SLC4A10: variants seen among roughly 807,000 people sequenced by gnomAD.
SLC4A10 encodes the protein sodium-driven chloride bicarbonate exchanger.
A neutral mutation model predicts 137.7 loss-of-function variants in SLC4A10; 42 were observed. The ratio of observed to expected loss-of-function variants is 0.30; its 90% CI spans 0.24 to 0.39. The LOEUF is 0.39. Among genes scored for constraint, SLC4A10 ranks in the 10% least tolerant of loss-of-function variants. The probability of loss-of-function intolerance (pLI) is 1.00; values close to 1 mark genes in which losing one functional copy is unlikely to be tolerated. For missense variants in SLC4A10, 925 were observed against 1,355.0 expected (o/e 0.68, Z 4.98); for synonymous variants, 474 against 464.1 (o/e 1.02, Z -0.27).
At chr2:161,662,144 G>A (rs2038502751) in intron 1 of SLC4A10, among the ~76,000 whole-genome samples, 1 of 152,068 alleles carries the variant, frequency 6.6e-6, no homozygotes, top group African/African-American at 2.4e-5. Context: ...AAGAGACTAA[G>A]AGATCGTCTA....
chr2:161,919,367 G>A (rs565003563), intron 15 of SLC4A10, among the ~76,000 whole-genome samples: 1 of 152,228 alleles, frequency 6.6e-6, no homozygotes, highest in African/African-American at 2.4e-5. Context: ...GAAGCCTGGG[G>A]GCCAGGCTGC....
intron 2 of SLC4A10, among the ~76,000 whole-genome samples, chr2:161,794,340 T>A (rs936240285): frequency 3.9e-5 from 6 of 152,182 alleles, no homozygotes; most frequent in African/African-American, 2.4e-5. Context: ...AAATACTGTA[T>A]CGTATACTTA....
At chr2:161,766,427 TA>T (rs1285411132) in intron 1 of SLC4A10, among the ~76,000 whole-genome samples, 1 of 152,104 alleles carries the variant, frequency 6.6e-6, no homozygotes, top group Non-Finnish European at 1.5e-5. Flanking sequence ...TTTCACTGCT[TA>T]GGGGAAAACA....
chr2:161,807,148 A>G (rs1444119376), intron 3 of SLC4A10, among the ~76,000 whole-genome samples: 2 of 152,130 alleles, frequency 1.3e-5, no homozygotes. Flanking sequence ...AGAACAGCAC[A>G]GGAAAGACCT....
chr2:161,827,722 A>G (rs1216846812), intron 3 of SLC4A10, among the ~76,000 whole-genome samples: 1 of 151,784 alleles, frequency 6.6e-6, no homozygotes, highest in Non-Finnish European at 1.5e-5. Flanking sequence ...CGCCCGCACC[A>G]GGCCGGCTAA....
chr2:161,825,189 A>T (rs1323242437), intron 3 of SLC4A10, among the ~76,000 whole-genome samples: 1 of 152,194 alleles, frequency 6.6e-6, no homozygotes, highest in Non-Finnish European at 1.5e-5. Flanking sequence ...CAAAAGTTAT[A>T]TACAGATTTT....
intron 15 of SLC4A10, chr2:161,931,347 T>C (rs926309155): frequency 1.3e-5 from 2 of 152,246 alleles, no homozygotes; most frequent in Non-Finnish European, 2.9e-5. Context: ...CGGAACAAAA[T>C]ACCTATACGT....
At chr2:161,792,860 TG>T (rs2054357280) in intron 2 of SLC4A10, among the ~76,000 whole-genome samples, 3 of 152,052 alleles carry the variant, frequency 2.0e-5, no homozygotes. Context: ...CTAGAACCCA[TG>T]GGGAAAAATA....
intron 15 of SLC4A10, among the ~76,000 whole-genome samples, chr2:161,910,184 T>C (rs1424417871): frequency 6.6e-6 from 1 of 152,128 alleles, no homozygotes; most frequent in Non-Finnish European, 1.5e-5. Flanking sequence ...TTTCCTTAAA[T>C]TCATAGTGTA....
intron 15 of SLC4A10, among the ~76,000 whole-genome samples, chr2:161,932,075 T>C (rs983214672): frequency 1.8e-4 from 28 of 152,354 alleles, no homozygotes; most frequent in African/African-American, 6.3e-4. Flanking sequence ...GAAAATGTTT[T>C]CCCATCAAAC....
At chr2:161,960,589 G>T (rs749039815) in intron 21 of SLC4A10, among the ~76,000 whole-genome samples, 1 of 151,566 alleles carries the variant, frequency 6.6e-6, no homozygotes, top group Admixed American at 6.6e-5. Flanking sequence ...GTGTGGTGGT[G>T]CATGCCTGTA....
intron 1 of SLC4A10, among the ~76,000 whole-genome samples, chr2:161,624,968 C>T (rs1263752522): frequency 6.6e-6 from 1 of 151,986 alleles, no homozygotes; most frequent in Non-Finnish European, 1.5e-5. Flanking sequence ...AATTTCCTCC[C>T]CCTGCCTCAT....
chr2:161,879,406 C>T, intron 9 of SLC4A10, 118 bp downstream of exon 9: 4 of 1,048,374 alleles, frequency 3.8e-6, no homozygotes, highest in Non-Finnish European at 4.0e-6. Context: ...GTGAAATCCA[C>T]AAAACTACTA....
intron 24 of SLC4A10, among the ~76,000 whole-genome samples, chr2:161,976,497 A>G (rs1699400095): frequency 1.3e-5 from 2 of 152,222 alleles, no homozygotes; most frequent in African/African-American, 4.8e-5. Flanking sequence ...ATGGAGTTCC[A>G]GTTTTATAGG....
intron 21 of SLC4A10, among the ~76,000 whole-genome samples, chr2:161,960,814 G>A (rs990758529): frequency 1.3e-5 from 2 of 152,114 alleles, no homozygotes; most frequent in Admixed American, 1.3e-4. Context: ...GAAGGGGCAA[G>A]GAAGTTTTCT....
At chr2:161,887,526 A>G (rs748387038) in intron 10 of SLC4A10, among the ~76,000 whole-genome samples, 1 of 152,144 alleles carries the variant, frequency 6.6e-6, no homozygotes, top group African/African-American at 2.4e-5. Flanking sequence ...ATGGTATCTC[A>G]TTGTGGTTTT....
At chr2:161,638,853 A>T (rs1574031210) in intron 1 of SLC4A10, among the ~76,000 whole-genome samples, 1 of 130,012 alleles carries the variant, frequency 7.7e-6, no homozygotes, top group East Asian at 2.3e-4. Context: ...AAATTTATTT[A>T]TAGGTATTTC....
intron 2 of SLC4A10, among the ~76,000 whole-genome samples, chr2:161,772,180 A>T (rs987931495): frequency 2.0e-5 from 3 of 151,948 alleles, no homozygotes. Flanking sequence ...CACATTCATT[A>T]CATAAATTTA....
chr2:161,935,072 A>T (rs1392963640), intron 15 of SLC4A10, among the ~76,000 whole-genome samples: 2 of 152,152 alleles, frequency 1.3e-5, no homozygotes, highest in Non-Finnish European at 2.9e-5. Context: ...ATATGGTGTG[A>T]GATAAGGGTC....
Sources: gnomAD v4.1 joint callset for allele counts (sites outside exome capture counted in the v4.1 genomes callset) on GRCh38, gnomAD v4.1.1 for gene constraint, MANE v1.5 for transcripts, NCBI Gene and HGNC (gene_info 2026-07-23, HGNC 2026-07-21) for gene names.